ABLIM1: variants seen among roughly 807,000 people sequenced by gnomAD.
The protein encoded by ABLIM1 is actin-binding LIM protein 1.
In ABLIM1, 40 loss-of-function variants were observed where a neutral mutation model predicts 107.0. That is an observed-to-expected ratio of 0.37 (90% confidence interval 0.29 to 0.49). The LOEUF (loss-of-function observed/expected upper bound fraction) is 0.49. ABLIM1 is among the 20% of genes least tolerant of loss of function. The probability of loss-of-function intolerance (pLI) is 0.97; values close to 1 mark genes in which losing one functional copy is unlikely to be tolerated. For missense variants in ABLIM1, 857 were observed against 1,008.5 expected (o/e 0.85, Z 2.04); for synonymous variants, 357 against 357.3 (o/e 1.00, Z 0.01).
rs141927980 is a variant in ABLIM1 at position 114,629,857 on chromosome 10, A to AAAATG, written c.245-27901_245-27897dup. On this transcript the variant is annotated intron_variant, in intron 1 of 22. Coordinates refer to ENST00000533213, the MANE Select transcript of ABLIM1 (RefSeq NM_002313.7). This position sits in a 1 kb window ranked among gnomAD's most constrained non-coding sequence, Gnocchi z 4.0. ...CCAAAAACAAACAAACAAACAAACA[A>AAAATG]AAATGAAACGAAACGAAACAAACCT... is the stretch of plus-strand genomic sequence containing the variant. Among the ~76,000 whole-genome samples, 12,130 of 150,942 alleles carry AAAATG rather than the reference A, an allele frequency of 0.08. 903 individuals are homozygous for AAAATG. Among genetic ancestry groups the AAAATG allele is most frequent in the East Asian group, 0.42 (2,176 of 5,142 alleles).
intron 6 of ABLIM1, among the ~76,000 whole-genome samples, chr10:114,522,223 CA>C: frequency 6.6e-6 from 1 of 152,146 alleles, no homozygotes; most frequent in East Asian, 1.9e-4. Context: ...GGTTTAAAGG[CA>C]AAACAAAAAC....
intron 1 of ABLIM1, among the ~76,000 whole-genome samples, chr10:114,742,801 C>T (rs539884455): frequency 1.6e-4 from 24 of 152,024 alleles, no homozygotes; most frequent in Admixed American, 3.3e-4. Flanking sequence ...TGGTGGCACA[C>T]GCCTATAGTC....
intron 12 of ABLIM1, 69 bp downstream of exon 12, chr10:114,465,629 A>G (rs2064992623): frequency 1.3e-6 from 2 of 1,575,214 alleles, no homozygotes; most frequent in Non-Finnish European, 1.7e-6. Flanking sequence ...TGTGCTATCA[A>G]TAGTAGGGGA....
chr10:114,437,321 C>CTTTTT (rs1314987276), intron 22 of ABLIM1, among the ~76,000 whole-genome samples: 3 of 134,582 alleles, frequency 2.2e-5, no homozygotes, highest in African/African-American at 5.6e-5. Context: ...TTCTTTCTTT[C>CTTTTT]TTTTTTTTTT....
At chr10:114,735,747 C>T (rs757359011) in intron 1 of ABLIM1, among the ~76,000 whole-genome samples, 2 of 152,202 alleles carry the variant, frequency 1.3e-5, no homozygotes, top group African/African-American at 2.4e-5. Context: ...GGATTACAGG[C>T]GTGAGCCACC....
chr10:114,491,006 G>A (rs866262905), intron 7 of ABLIM1, among the ~76,000 whole-genome samples: 3,479 of 58,604 alleles, frequency 0.059, 115 homozygotes, highest in Admixed American at 0.15. Flanking sequence ...GTGTGTGTGT[G>A]TGTGTGTATA....
intron 2 of ABLIM1, among the ~76,000 whole-genome samples, chr10:114,593,843 A>C (rs188864223): frequency 6.6e-6 from 1 of 152,234 alleles, no homozygotes; most frequent in Non-Finnish European, 1.5e-5. Context: ...TCCAGTTTGG[A>C]ATTCAAAACC....
intron 2 of ABLIM1, among the ~76,000 whole-genome samples, chr10:114,587,066 T>C (rs1423798350): frequency 6.6e-6 from 1 of 152,222 alleles, no homozygotes; most frequent in Admixed American, 6.5e-5. Context: ...CTGGTAAACA[T>C]CTTAGCCTAA....
At chr10:114,766,855 G>A (rs1428068541) in intron 1 of ABLIM1, among the ~76,000 whole-genome samples, 3 of 151,898 alleles carry the variant, frequency 2.0e-5, no homozygotes, top group African/African-American at 7.3e-5. Flanking sequence ...CTCTTTTTTC[G>A]TTCTCTAATA....
intron 1 of ABLIM1, among the ~76,000 whole-genome samples, chr10:114,656,945 G>A (rs953587467): frequency 6.6e-6 from 1 of 152,194 alleles, no homozygotes; most frequent in Non-Finnish European, 1.5e-5. Context: ...GGGTGGGGAG[G>A]CGATAGCTAA....
chr10:114,520,243 T>A (rs1370378479), intron 6 of ABLIM1, among the ~76,000 whole-genome samples: 1 of 152,248 alleles, frequency 6.6e-6, no homozygotes, highest in Non-Finnish European at 1.5e-5. Flanking sequence ...TACATTTATA[T>A]GTCGACAAGG....
In ABLIM1 at chr10:114,576,963, C is replaced by G. The variant is rs867200745; in HGVS notation, c.380-1364G>C. On this transcript the variant is annotated intron_variant, in intron 2 of 22. Transcript: ENST00000533213. ...CTCACCTGCCAACCTCTCCTCTGCC[C>G]CCACTGTTCTCCCACCTGCTTCTTC... Among the ~76,000 whole-genome samples the G allele has an allele frequency of 1.2e-4, 18 of 152,294 alleles. No homozygotes were observed. The Middle Eastern group carries it at 0.014, about 115-fold the overall frequency.
intron 1 of ABLIM1, among the ~76,000 whole-genome samples, chr10:114,729,055 G>A (rs1591900398): frequency 1.3e-5 from 2 of 152,094 alleles, no homozygotes; most frequent in Non-Finnish European, 1.5e-5. Flanking sequence ...TTTACTCTGC[G>A]TAGCCAAGTT....
chr10:114,780,854 G>A, the ABLIM1 span, among the ~76,000 whole-genome samples: 1 of 152,304 alleles, frequency 6.6e-6, no homozygotes, highest in South Asian at 2.1e-4. Flanking sequence ...GCAGGTTCAA[G>A]GTTAAAAGAT....
intron 6 of ABLIM1, among the ~76,000 whole-genome samples, chr10:114,512,916 GAGA>G (rs200631212): frequency 1.4e-5 from 2 of 147,388 alleles, no homozygotes; most frequent in Admixed American, 6.8e-5. Context: ...AGGAAAGAAA[GAGA>G]GAAAGAAAGA....
At chr10:114,637,346 A>G (rs1591689799) in intron 1 of ABLIM1, among the ~76,000 whole-genome samples, 1 of 152,332 alleles carries the variant, frequency 6.6e-6, no homozygotes, top group South Asian at 2.1e-4. Flanking sequence ...ATTCACTGCA[A>G]TCTTAATGAG....
intron 6 of ABLIM1, among the ~76,000 whole-genome samples, chr10:114,508,436 T>G (rs2061433998): frequency 6.6e-6 from 1 of 152,258 alleles, no homozygotes; most frequent in Non-Finnish European, 1.5e-5. Flanking sequence ...CAATGGCTCA[T>G]GCCTGTAATC....
intron 8 of ABLIM1, among the ~76,000 whole-genome samples, chr10:114,476,816 A>G (rs1453595424): frequency 6.6e-6 from 1 of 152,068 alleles, no homozygotes; most frequent in East Asian, 1.9e-4. Flanking sequence ...ATTATTAACC[A>G]CAGGTAGTCC....
At chr10:114,738,231 G>A (rs2082221596) in intron 1 of ABLIM1, among the ~76,000 whole-genome samples, 1 of 152,136 alleles carries the variant, frequency 6.6e-6, no homozygotes, top group African/African-American at 2.4e-5. Context: ...TGTATTTTTA[G>A]TAGAGATGGG....
Sources: allele counts gnomAD v4.1 joint callset (sites outside exome capture counted in the v4.1 genomes callset), GRCh38; gene constraint gnomAD v4.1.1; non-coding constraint Gnocchi (gnomAD v3.1); transcripts MANE v1.5; gene names NCBI Gene and HGNC (gene_info 2026-07-23, HGNC 2026-07-21).